The following CHCHD3 variants were observed in gnomAD, a reference collection of about 807,000 sequenced individuals.
The protein encoded by CHCHD3 is coiled-coil-helix-coiled-coil-helix domain containing 3.
CHCHD3 carries 20 observed loss-of-function variants against 38.2 expected under a neutral mutation model. The observed-to-expected ratio is 0.52, with a 90% CI of 0.37 to 0.76. The LOEUF is 0.76. CHCHD3 is among the 30% of genes least tolerant of loss of function. The probability of loss-of-function intolerance (pLI) is 0.00; values close to 1 mark genes in which losing one functional copy is unlikely to be tolerated. For synonymous variants in CHCHD3, 82 were observed against 100.0 expected (o/e 0.82, Z 1.07); for missense variants, 245 against 279.2 (o/e 0.88, Z 0.87).
chr7:132,871,087 T>C (rs1808757207), intron 5 of CHCHD3, among the ~76,000 whole-genome samples: 1 of 152,228 alleles, frequency 6.6e-6, no homozygotes, highest in African/African-American at 2.4e-5. Flanking sequence ...AATTACAGTG[T>C]CCATTTGGCT....
At chr7:133,072,056 G>C (rs1814833311) in intron 1 of CHCHD3, among the ~76,000 whole-genome samples, 1 of 151,978 alleles carries the variant, frequency 6.6e-6, no homozygotes, top group Non-Finnish European at 1.5e-5. Context: ...GTGTTGAATT[G>C]CTACTCGGGA....
intron 7 of CHCHD3, 82 bp downstream of exon 7, chr7:132,796,360 C>A: frequency 1.3e-6 from 2 of 1,487,422 alleles, no homozygotes; most frequent in Non-Finnish European, 1.8e-6. Flanking sequence ...CACACAGTGG[C>A]CCATTTAGTC....
chr7:132,910,693 C>T (rs1055974965), intron 4 of CHCHD3, among the ~76,000 whole-genome samples: 3 of 152,170 alleles, frequency 2.0e-5, no homozygotes, highest in Admixed American at 6.5e-5. Flanking sequence ...CACAGCAGCA[C>T]GTTACAGATC....
chr7:132,802,127 G>A (rs1585526442), intron 6 of CHCHD3, among the ~76,000 whole-genome samples: 1 of 152,164 alleles, frequency 6.6e-6, no homozygotes, highest in African/African-American at 2.4e-5. Context: ...AGTGTAAGGT[G>A]AGCAAACAAC....
intron 4 of CHCHD3, among the ~76,000 whole-genome samples, chr7:132,940,388 T>C (rs1247377465): frequency 6.6e-6 from 1 of 152,188 alleles, no homozygotes; most frequent in East Asian, 1.9e-4. Context: ...GCATTTTCTA[T>C]ATAACCAAGG....
At chr7:133,049,835 T>C (rs962284655) in intron 2 of CHCHD3, among the ~76,000 whole-genome samples, 2 of 152,204 alleles carry the variant, frequency 1.3e-5, no homozygotes, top group East Asian at 3.8e-4. Flanking sequence ...AAATACTCCA[T>C]AATCCACACT....
intron 4 of CHCHD3, among the ~76,000 whole-genome samples, chr7:132,896,348 C>T (rs1006183887): frequency 6.6e-6 from 1 of 152,180 alleles, no homozygotes; most frequent in East Asian, 1.9e-4. Flanking sequence ...AACATTTGTT[C>T]TGCTTGGGCA....
At chr7:132,973,134 A>C (rs1267674308) in intron 4 of CHCHD3, 1 of 985,302 alleles carries the variant, frequency 1.0e-6, no homozygotes. Flanking sequence ...ATAAACTAAG[A>C]GAGTAAGACA....
intron 4 of CHCHD3, among the ~76,000 whole-genome samples, chr7:132,941,932 A>G (rs935992463): frequency 2.0e-5 from 3 of 152,206 alleles, no homozygotes; most frequent in Non-Finnish European, 4.4e-5. Flanking sequence ...ATATCTCTTC[A>G]AACTCTCAAA....
chr7:132,871,959 G>T (rs1465100995), intron 5 of CHCHD3, among the ~76,000 whole-genome samples: 1 of 152,162 alleles, frequency 6.6e-6, no homozygotes, highest in Non-Finnish European at 1.5e-5. Flanking sequence ...AAAATAAGGG[G>T]ATGCCCAACA....
At chr7:132,976,758 GA>G (rs1037040066) in intron 3 of CHCHD3, among the ~76,000 whole-genome samples, 1 of 151,492 alleles carries the variant, frequency 6.6e-6, no homozygotes, top group African/African-American at 2.4e-5. Flanking sequence ...AAAGATTTTT[GA>G]AAAAAACTAG....
chr7:132,795,269 G>A (rs940033687), intron 7 of CHCHD3, among the ~76,000 whole-genome samples: 11 of 152,184 alleles, frequency 7.2e-5, no homozygotes, highest in Admixed American at 6.5e-4. Context: ...TCATATTGAA[G>A]GCTGGGGTTT....
At chr7:132,959,438 T>A (rs1033779478) in intron 4 of CHCHD3, among the ~76,000 whole-genome samples, 2 of 152,090 alleles carry the variant, frequency 1.3e-5, no homozygotes, top group South Asian at 4.1e-4. Context: ...AATGCATGGA[T>A]GGGGCTGGGC....
At chr7:133,002,098 G>A (rs978291692) in intron 3 of CHCHD3, among the ~76,000 whole-genome samples, 2 of 152,046 alleles carry the variant, frequency 1.3e-5, no homozygotes, top group African/African-American at 4.8e-5. Flanking sequence ...CATGAAGCTG[G>A]AATTCAAACC....
intron 7 of CHCHD3, among the ~76,000 whole-genome samples, chr7:132,793,984 C>T (rs894107115): frequency 6.6e-5 from 10 of 152,156 alleles, no homozygotes; most frequent in African/African-American, 2.4e-4. Context: ...AAAAGGACAA[C>T]CTGGTATTGG....
intron 6 of CHCHD3, among the ~76,000 whole-genome samples, chr7:132,815,903 T>C (rs2117058796): frequency 6.6e-6 from 1 of 152,306 alleles, no homozygotes; most frequent in Middle Eastern, 3.4e-3. Flanking sequence ...CTAATCAATC[T>C]TGACATTCTT....
At chr7:132,844,836 T>C (rs1385499114) in intron 5 of CHCHD3, among the ~76,000 whole-genome samples, 2 of 152,196 alleles carry the variant, frequency 1.3e-5, no homozygotes, top group African/African-American at 2.4e-5. Context: ...TTGGAAGATA[T>C]TTCTGTCACC....
intron 6 of CHCHD3, among the ~76,000 whole-genome samples, chr7:132,821,897 G>A (rs1221071710): frequency 6.6e-6 from 1 of 151,682 alleles, no homozygotes; most frequent in Non-Finnish European, 1.5e-5. Context: ...CCAGTAGCTG[G>A]GACTACAGGC....
At chr7:132,908,397 T>C (rs138917742) in intron 4 of CHCHD3, among the ~76,000 whole-genome samples, 1 of 152,210 alleles carries the variant, frequency 6.6e-6, no homozygotes, top group Admixed American at 6.5e-5. Flanking sequence ...TGGCTCTAGA[T>C]ATAAATTTTT....
Sources: allele counts gnomAD v4.1 joint callset (sites outside exome capture counted in the v4.1 genomes callset), GRCh38; gene constraint gnomAD v4.1.1; transcripts MANE v1.5; gene names NCBI Gene and HGNC (gene_info 2026-07-23, HGNC 2026-07-21).